The following TDRD9 variants were observed in gnomAD, a reference collection of about 807,000 sequenced individuals.
The protein encoded by TDRD9 is ATP-dependent RNA helicase TDRD9.
Under a neutral mutation model 172.6 loss-of-function variants are expected in TDRD9, and 124 were observed. That is an observed-to-expected ratio of 0.72 (90% CI 0.62 to 0.83). TDRD9 has a LOEUF of 0.83. Ranked by LOEUF, TDRD9 falls within the 40% of genes least tolerant of loss-of-function variation. The pLI, the probability that TDRD9 is intolerant of heterozygous loss-of-function variation, is 0.00. For missense variants in TDRD9, 1,479 were observed against 1,714.1 expected (o/e 0.86, Z 2.42); for synonymous variants, 619 against 617.1 (o/e 1.00, Z -0.05).
At chr14:104,004,434 G>A in intron 14 of TDRD9, 99 bp downstream of exon 14, 2 of 612,160 alleles carry the variant, frequency 3.3e-6, no homozygotes, top group Non-Finnish European at 5.7e-6. Context: ...GGACTGGAGT[G>A]CACTGGCATG....
chr14:103,974,352 C>T (rs2033152288), intron 6 of TDRD9, among the ~76,000 whole-genome samples: 2 of 152,216 alleles, frequency 1.3e-5, no homozygotes, highest in African/African-American at 4.8e-5. Flanking sequence ...CCTCCATAAT[C>T]AGCCACTTTC....
Position 103,969,109 on chromosome 14 carries a change from AAGCAAAAAAAAAAC to A in TDRD9, c.766-1431_766-1418del, listed in dbSNP as rs2032902696. Among the ~76,000 whole-genome samples the A allele has an allele frequency of 4.0e-5, 6 of 151,164 alleles. No homozygotes were observed. The South Asian group carries it at 1.2e-3, about 31-fold the overall frequency. On this transcript the variant is annotated intron_variant, in intron 5 of 35. Transcript: ENST00000409874. ...AATAAGACTCTGTGTAAAAAAAAAAAAGCAAAAAAAAAACCCCCCAAAAAAAACTAGCTTTAAGC... is the reference window on the plus strand; with the variant it reads ...AATAAGACTCTGTGTAAAAAAAAAAACCCCCAAAAAAAACTAGCTTTAAGC...
At chr14:103,995,579 G>A (rs2034029138) in intron 11 of TDRD9, among the ~76,000 whole-genome samples, 171 bp from the exon 12 acceptor site, 1 of 152,134 alleles carries the variant, frequency 6.6e-6, no homozygotes, top group Non-Finnish European at 1.5e-5. Flanking sequence ...TTCATCAGGG[G>A]CTTCTTGATC....
intron 34 of TDRD9, among the ~76,000 whole-genome samples, chr14:104,046,594 A>G (rs2035784238): frequency 6.6e-6 from 1 of 152,224 alleles, no homozygotes; most frequent in Non-Finnish European, 1.5e-5. Flanking sequence ...TCTTTGTACC[A>G]GTGCTATACT....
chr14:103,930,843 T>A (rs879347823), intron 1 of TDRD9, among the ~76,000 whole-genome samples: 3 of 152,210 alleles, frequency 2.0e-5, no homozygotes, highest in Admixed American at 6.5e-5. Flanking sequence ...TTATTGACCT[T>A]GTCAGAAAGT....
chr14:103,928,535 A>G lies in TDRD9; in HGVS notation c.26A>G (p.Gln9Arg). ...ATGCTGCGGAAGCTCACCATCGAGC[A>G]GATCAACGACTGGTTCACCATCGGC... The part of the protein sequence containing the change: MLRKLTIE[Q>R]INDWFTIGKT... The change falls in exon 1 of 36, where the codon CAG becomes CGG. Residue 9 changes from glutamine (Q) to arginine (R), a missense_variant. Physicochemically the swap from Gln to Arg is conservative, Grantham distance 43 (BLOSUM62 1). This residue lies in a region of TDRD9 where 63 missense variants were observed against 48.4 expected (regional missense o/e 1.30). Coordinates refer to ENST00000409874, the MANE Select transcript of TDRD9 (RefSeq NM_153046.3). 1.4e-6 allele frequency: 2 copies of G among 1,408,544 alleles called. No homozygotes were observed. Among genetic ancestry groups the G allele is most frequent in the Non-Finnish European group, 1.9e-6 (2 of 1,070,242 alleles). 87.3% of individuals were successfully genotyped at this position (1,408,544 alleles called of 1,614,324 possible).
chr14:103,975,987 A>C (rs2033222731), intron 7 of TDRD9, among the ~76,000 whole-genome samples: 2 of 152,096 alleles, frequency 1.3e-5, no homozygotes, highest in South Asian at 4.2e-4. Context: ...ACTAGAAGTT[A>C]TTTCTTATCT....
chr14:104,005,061 C>T (rs758140531), intron 14 of TDRD9: 2 of 388,262 alleles, frequency 5.2e-6, no homozygotes, highest in Non-Finnish European at 4.5e-6. Context: ...TCTTCCTTCT[C>T]TCTCCCCATC....
In TDRD9 at chr14:104,006,643, T is replaced by C. The variant is rs2034447223; in HGVS notation, c.1880-3T>C. ...ATTCTTCTTGTTTATTTTTTATGGT[T>C]AGCGGCAGCTCTTTCTTTGAAGAAT... is the stretch of plus-strand genomic sequence containing the variant. On this transcript the variant is annotated splice_region_variant and splice_polypyrimidine_tract_variant and intron_variant, in intron 16 of 35. Coordinates refer to ENST00000409874, the MANE Select transcript of TDRD9 (RefSeq NM_153046.3). The C allele has an allele frequency of 8.1e-6, 13 of 1,613,640 alleles. No homozygotes were observed. The highest frequency in any genetic ancestry group is 1.3e-5 in the African/African-American group (1 of 74,950).
chr14:103,979,448 C>G (rs771641242), intron 7 of TDRD9, among the ~76,000 whole-genome samples: 20 of 152,308 alleles, frequency 1.3e-4, no homozygotes, highest in Admixed American at 5.2e-4. Flanking sequence ...GCTCAGGGAG[C>G]TGGTGTGTGC....
chr14:104,041,851 G>A (rs2035620221), intron 33 of TDRD9, among the ~76,000 whole-genome samples: 1 of 152,162 alleles, frequency 6.6e-6, no homozygotes, highest in Non-Finnish European at 1.5e-5. Context: ...CAAGAGATTT[G>A]AAAACTAGCA....
chr14:104,031,304 A>G, intron 29 of TDRD9, 41 bp downstream of exon 29: 1 of 1,515,290 alleles, frequency 6.6e-7, no homozygotes, highest in Non-Finnish European at 8.9e-7. Flanking sequence ...AAAGCTTAGT[A>G]TCATTTTACA....
At chr14:104,021,107 C>T (rs1455793915) in intron 23 of TDRD9, among the ~76,000 whole-genome samples, 1 of 152,082 alleles carries the variant, frequency 6.6e-6, no homozygotes, top group Non-Finnish European at 1.5e-5. Flanking sequence ...CTGGGGAGGC[C>T]TCAGGAAACT....
At chr14:104,049,161 TGTA>T (rs2035871522) in intron 34 of TDRD9, among the ~76,000 whole-genome samples, 16 of 152,186 alleles carry the variant, frequency 1.1e-4, no homozygotes, top group African/African-American at 2.6e-4. Flanking sequence ...TATGTATGTA[TGTA>T]TACAGTTTTG....
At position 104,024,591 on chromosome 14, in the gene TDRD9, C is replaced by T; in HGVS notation, c.2629C>T (p.Gln877Ter). Residue 877 changes from glutamine to a stop codon, truncating the protein, a stop_gained, in exon 25 of 36, where the codon CAG (glutamine) becomes TAG (stop). Transcript: ENST00000409874. LOFTEE classifies it high-confidence loss of function. The part of the protein sequence containing the change: ...NTRVNVDFQK[Q>*]TVDPMQVSFN... ...TAGGGTGAATGTGGACTTCCAGAAG[C>T]AGACGGTAGATCCTATGCAAGTCTC... 6.2e-7 allele frequency: 1 copy of T among 1,608,876 alleles called. No individual in the cohort carries two copies.
intron 32 of TDRD9, among the ~76,000 whole-genome samples, chr14:104,036,962 GTTTTGTTGTTGTTTTTTA>G (rs1229834684): frequency 1.3e-5 from 2 of 151,892 alleles, no homozygotes; most frequent in African/African-American, 2.4e-5. Flanking sequence ...TATAAGCTTG[GTTTTGTTGTTGTTTTTTA>G]TTTTGTTGTT....
rs190725259 is a variant in TDRD9 at position 103,980,340 on chromosome 14, A to G, written c.1011+4787A>G. Among the ~76,000 whole-genome samples, 3 of 152,190 alleles carry G rather than the reference A, an allele frequency of 2.0e-5. No individual in the cohort carries two copies. The highest frequency in any genetic ancestry group is 7.2e-5 in the African/African-American group (3 of 41,512). Reference sequence around the variant, plus strand: ...TAAGGAGTGTGAGCCATCTCCAATGATAGGTAAGGTCATGTGGGTCACGTG... The same window carrying G: ...TAAGGAGTGTGAGCCATCTCCAATGGTAGGTAAGGTCATGTGGGTCACGTG... On this transcript the variant is annotated intron_variant, in intron 7 of 35. Coordinates refer to ENST00000409874, the MANE Select transcript of TDRD9 (RefSeq NM_153046.3). This position sits in a 1 kb window ranked among gnomAD's most constrained non-coding sequence, Gnocchi z 4.5.
chr14:104,009,433 C>T (rs1198942591), intron 20 of TDRD9, among the ~76,000 whole-genome samples: 1 of 152,004 alleles, frequency 6.6e-6, no homozygotes, highest in Non-Finnish European at 1.5e-5. Flanking sequence ...AAATGGCATA[C>T]CAATATAGGG....
At chr14:104,001,544 T>C (rs935322253) in intron 13 of TDRD9, among the ~76,000 whole-genome samples, 1 of 152,206 alleles carries the variant, frequency 6.6e-6, no homozygotes, top group African/African-American at 2.4e-5. Flanking sequence ...GGCCATAAGT[T>C]TTCATTTCTC....
Sources: gnomAD v4.1 joint callset for allele counts (sites outside exome capture counted in the v4.1 genomes callset) on GRCh38, gnomAD v4.1.1 for gene constraint, gnomAD v4.1.1 regional missense constraint, Gnocchi (gnomAD v3.1) non-coding constraint, MANE v1.5 for transcripts, NCBI Gene and HGNC (gene_info 2026-07-23, HGNC 2026-07-21) for gene names.